The following RBFOX1 variants were observed in gnomAD, a reference collection of about 807,000 sequenced individuals.
RBFOX1 encodes RNA binding fox-1 homolog 1, also known as RNA binding protein fox-1 homolog 1.
A neutral mutation model predicts 57.7 loss-of-function variants in RBFOX1; 8 were observed. The ratio of observed to expected loss-of-function variants is 0.14; its 90% CI spans 0.08 to 0.25. The LOEUF (loss-of-function observed/expected upper bound fraction) is 0.25. RBFOX1 is among the 10% of genes least tolerant of loss of function. The pLI is 1.00. For missense variants in RBFOX1, 611 were observed against 548.5 expected, an observed-to-expected ratio of 1.11 and a Z score of -1.14; for synonymous variants, 326 against 222.4, an observed-to-expected ratio of 1.47 and a Z score of -4.15.
intron 3 of RBFOX1, among the ~76,000 whole-genome samples, chr16:6,900,490 C>G (rs7196130): frequency 6.6e-6 from 1 of 152,086 alleles, no homozygotes; most frequent in Non-Finnish European, 1.5e-5. Context: ...AAAGCAAACA[C>G]GATTGCATGG....
intron 1 of RBFOX1, 58 bp downstream of exon 1, chr16:6,020,050 A>C (rs973566760): frequency 6.7e-5 from 94 of 1,394,574 alleles, no homozygotes; most frequent in Non-Finnish European, 7.4e-5. Flanking sequence ...GGTCAGGTCC[A>C]GAAGGTCTCA....
intron 1 of RBFOX1, among the ~76,000 whole-genome samples, chr16:5,295,016 T>G (rs2063630278): frequency 7.5e-5 from 5 of 66,384 alleles, no homozygotes; most frequent in East Asian, 4.1e-4. Context: ...GGTGACAGAG[T>G]GAGACTCTTA....
At chr16:7,543,668 TGTGTGTGTGTG>T (rs2083578223) in intron 5 of RBFOX1, among the ~76,000 whole-genome samples, 1 of 966 alleles carries the variant, frequency 1.0e-3, no homozygotes, top group Non-Finnish European at 8.9e-3. Flanking sequence ...GGGCAGTATC[TGTGTGTGTGTG>T]TGTGTGTGTG....
chr16:6,706,704 C>T (rs1381103014), intron 3 of RBFOX1, among the ~76,000 whole-genome samples: 1 of 115,062 alleles, frequency 8.7e-6, no homozygotes, highest in Non-Finnish European at 1.7e-5. Context: ...ATGGCTACAG[C>T]TGCAGTCTTT....
At chr16:6,989,010 C>G (rs12149328) in intron 3 of RBFOX1, among the ~76,000 whole-genome samples, 65,429 of 151,798 alleles carry the variant, frequency 0.43, 17,323 homozygotes, top group Non-Finnish European at 0.59. Flanking sequence ...TGATCCACCC[C>G]CCTCGGACTC....
At chr16:5,771,907 C>T (rs1263426425) in intron 3 of RBFOX1, among the ~76,000 whole-genome samples, 1 of 152,182 alleles carries the variant, frequency 6.6e-6, no homozygotes, top group East Asian at 1.9e-4. Context: ...GGCACAGTGG[C>T]TCACGCCTGT....
intron 2 of RBFOX1, among the ~76,000 whole-genome samples, chr16:6,410,863 C>T (rs1176960668): frequency 1.3e-5 from 2 of 152,138 alleles, no homozygotes; most frequent in African/African-American, 4.8e-5. Context: ...AGTCACTTAG[C>T]CCCTCTGAGC....
intron 1 of RBFOX1, among the ~76,000 whole-genome samples, chr16:5,456,491 A>G (rs947442571): frequency 9.9e-5 from 15 of 152,156 alleles, no homozygotes; most frequent in African/African-American, 3.6e-4. Context: ...GATGATGATG[A>G]TAGTCATGAT....
At chr16:5,624,650 C>T (rs996772317) in intron 3 of RBFOX1, among the ~76,000 whole-genome samples, 3 of 152,204 alleles carry the variant, frequency 2.0e-5, no homozygotes, top group African/African-American at 2.4e-5. Context: ...TAATGGATTC[C>T]GACTGCCAGC....
At position 7,626,536 on chromosome 16, in the gene RBFOX1, TC is replaced by T. The variant is rs1462977054; in HGVS notation, c.677-4064del. Among the ~76,000 whole-genome samples the T allele has an allele frequency of 2.0e-5, 3 of 152,266 alleles. No homozygotes were observed. In the East Asian group the frequency reaches 5.8e-4, roughly 29 times the overall value. On this transcript the variant is annotated intron_variant, in intron 10 of 15. Coordinates refer to ENST00000550418, the MANE Select transcript of RBFOX1 (RefSeq NM_018723.4). The stretch of plus-strand genomic sequence containing the variant: ...CTGATTATTCTGAGATTGAGGTCTG[TC>T]CCATGGAGCCAAATGTCTGCCAGGT...
At chr16:6,997,147 T>G (rs2092327056) in intron 3 of RBFOX1, among the ~76,000 whole-genome samples, 1 of 152,148 alleles carries the variant, frequency 6.6e-6, no homozygotes, top group Non-Finnish European at 1.5e-5. Flanking sequence ...TAGTTGTCTT[T>G]TCTGTTAGCT....
In RBFOX1 at chr16:6,934,020, C is replaced by G. The variant is rs143138288; in HGVS notation, c.-15-118037C>G. On this transcript the variant is annotated intron_variant, in intron 3 of 15. Transcript: ENST00000550418. Reference sequence around the variant, plus strand: ...CACCAGCCAGGGGTCAGGGAGGGGACACGATTGCACACTGGGCTAGAGCTG... The same window carrying G: ...CACCAGCCAGGGGTCAGGGAGGGGAGACGATTGCACACTGGGCTAGAGCTG... Among the ~76,000 whole-genome samples the G allele has an allele frequency of 8.4e-3, 1,277 of 152,270 alleles. 5 individuals carry two copies. Among genetic ancestry groups the G allele is most frequent in the Non-Finnish European group, 0.015 (999 of 68,000 alleles).
At chr16:7,222,200 G>A (rs1244332029) in intron 4 of RBFOX1, among the ~76,000 whole-genome samples, 1 of 152,148 alleles carries the variant, frequency 6.6e-6, no homozygotes, top group East Asian at 1.9e-4. Context: ...ACACCAGAGG[G>A]CAGGTGGTTC....
At chr16:5,364,884 C>G (rs769118916) in intron 1 of RBFOX1, among the ~76,000 whole-genome samples, 1 of 152,052 alleles carries the variant, frequency 6.6e-6, no homozygotes, top group Non-Finnish European at 1.5e-5. Context: ...GTGAAACGCA[C>G]CTGCTTGGGC....
intron 2 of RBFOX1, among the ~76,000 whole-genome samples, chr16:6,367,494 A>T (rs896843973): frequency 2.0e-5 from 3 of 151,764 alleles, no homozygotes; most frequent in Non-Finnish European, 4.4e-5. Flanking sequence ...CTGGCCCCGA[A>T]CTCCTGACCT....
intron 2 of RBFOX1, among the ~76,000 whole-genome samples, chr16:6,575,284 C>G (rs1034055789): frequency 1.3e-5 from 2 of 152,108 alleles, no homozygotes; most frequent in African/African-American, 4.8e-5. Flanking sequence ...TTGATTAAGC[C>G]TATGCATGTT....
chr16:6,627,520 G>A (rs941178045), intron 2 of RBFOX1, among the ~76,000 whole-genome samples: 2 of 152,184 alleles, frequency 1.3e-5, no homozygotes, highest in Non-Finnish European at 2.9e-5. Flanking sequence ...TAACACAGTG[G>A]AGGATTTGAG....
intron 3 of RBFOX1, among the ~76,000 whole-genome samples, chr16:6,917,307 G>A (rs545931809): frequency 1.4e-4 from 22 of 152,310 alleles, no homozygotes; most frequent in African/African-American, 5.3e-4. Context: ...CTGAACAGAG[G>A]ATGTCACAGT....
intron 4 of RBFOX1, among the ~76,000 whole-genome samples, chr16:7,134,282 T>G (rs1404097397): frequency 6.6e-6 from 1 of 152,194 alleles, no homozygotes; most frequent in Non-Finnish European, 1.5e-5. Context: ...TCTGGGGATA[T>G]GACATTTTGC....
Sources: gnomAD v4.1 joint callset for allele counts (sites outside exome capture counted in the v4.1 genomes callset) on GRCh38, gnomAD v4.1.1 for gene constraint, MANE v1.5 for transcripts, NCBI Gene and HGNC (gene_info 2026-07-23, HGNC 2026-07-21) for gene names.